RNPEP: variants seen among roughly 807,000 people sequenced by gnomAD.
RNPEP encodes the protein arginyl aminopeptidase.
Under a neutral mutation model 70.1 loss-of-function variants are expected in RNPEP, and 57 were observed. The ratio of observed to expected loss-of-function variants is 0.81; its 90% CI spans 0.66 to 1.01. The LOEUF (loss-of-function observed/expected upper bound fraction) is 1.01. Ranked by LOEUF, RNPEP falls within the 50% of genes least tolerant of loss-of-function variation. The pLI, the probability that RNPEP is intolerant of heterozygous loss-of-function variation, is 0.00. For synonymous variants in RNPEP, 335 were observed against 357.4 expected (o/e 0.94, Z 0.71); for missense variants, 787 against 852.4 (o/e 0.92, Z 0.96).
intron 7 of RNPEP, 33 bp from the exon 8 acceptor site, chr1:202,001,626 A>G (rs781600186): frequency 7.1e-6 from 11 of 1,540,250 alleles, no homozygotes; most frequent in South Asian, 2.2e-5. Context: ...CCACGGGGCC[A>G]GAGAGGGTCT....
intron 1 of RNPEP, among the ~76,000 whole-genome samples, chr1:201,987,252 T>C (rs1401792211): frequency 1.3e-5 from 2 of 152,030 alleles, no homozygotes; most frequent in African/African-American, 4.8e-5. Context: ...TCTTTGAAGG[T>C]CCAGCCAGAA....
At position 201,994,094 on chromosome 1, in the gene RNPEP, G is replaced by T. The variant is rs538341442; in HGVS notation, c.738-2053G>T. Among the ~76,000 whole-genome samples the T allele has an allele frequency of 2.6e-5, 4 of 152,162 alleles. No homozygotes were observed. In the South Asian group the frequency reaches 8.3e-4, roughly 32 times the overall value. On this transcript the variant is annotated intron_variant, in intron 3 of 10. Transcript: ENST00000295640. ...CCATTGACCCTCCTCTGGCTTCTGT[G>T]ACACCACCCATGCTGGTCATCAGGC...
At chr1:201,997,263 G>A in intron 4 of RNPEP, 56 bp from the exon 5 acceptor site, 1 of 1,351,426 alleles carries the variant, frequency 7.4e-7, no homozygotes, top group South Asian at 1.2e-5. Flanking sequence ...GGGAGGCGAG[G>A]TAGGGTCTGC....
chr1:201,997,593 A>G (rs778753034), intron 5 of RNPEP, 39 bp downstream of exon 5: 2 of 1,518,530 alleles, frequency 1.3e-6, no homozygotes, highest in East Asian at 2.3e-5. Context: ...TCTGCCTCCC[A>G]TTCTTAACCT....
In RNPEP at chr1:201,997,307, G is replaced by T. The variant is rs551251408; in HGVS notation, c.855-12G>T. 2 of 1,611,234 alleles carry T rather than the reference G, an allele frequency of 1.2e-6. No homozygotes were observed. The highest frequency in any genetic ancestry group is 4.5e-5 in the East Asian group (2 of 44,852). ...GCCAGGGCCTCTTGGTGACCTCCCC[G>T]CTTCTCGGCAGGTATGACTTGCTCT... On this transcript the variant is annotated splice_polypyrimidine_tract_variant and intron_variant, in intron 4 of 10. Coordinates refer to ENST00000295640, the MANE Select transcript of RNPEP (RefSeq NM_020216.4).
chr1:201,989,315 C>T lies in RNPEP; in HGVS notation c.589-68C>T. 5 of 1,564,780 alleles carry T rather than the reference C, an allele frequency of 3.2e-6. No homozygotes were observed. In the Middle Eastern group the frequency reaches 5.2e-4, roughly 162 times the overall value. On this transcript the variant is annotated intron_variant, in intron 2 of 10. Coordinates refer to ENST00000295640, the MANE Select transcript of RNPEP (RefSeq NM_020216.4). Reference sequence around the variant, plus strand: ...CATCACACACAGGTGGCCGGTCATGCTCTTATTCAAACTAATCAAAAGGAA... The same window carrying T: ...CATCACACACAGGTGGCCGGTCATGTTCTTATTCAAACTAATCAAAAGGAA...
At chr1:201,989,086 GAA>G in intron 2 of RNPEP, 42 bp downstream of exon 2, 1 of 1,584,750 alleles carries the variant, frequency 6.3e-7, no homozygotes, top group South Asian at 1.1e-5. Context: ...TTGGGATGAA[GAA>G]ATGATTTCAG....
At chr1:201,989,302 G>A in intron 2 of RNPEP, 81 bp from the exon 3 acceptor site, 1 of 1,503,744 alleles carries the variant, frequency 6.7e-7, no homozygotes, top group South Asian at 1.3e-5. Context: ...TCACACACAG[G>A]TGGCCGGTCA....
intron 10 of RNPEP, among the ~76,000 whole-genome samples, chr1:202,004,972 A>T (rs1405120755): frequency 6.6e-6 from 1 of 152,186 alleles, no homozygotes; most frequent in East Asian, 1.9e-4. Flanking sequence ...ACTGAATGTC[A>T]TCAGATTCCG....
At position 201,982,810 on chromosome 1, in the gene RNPEP, G is replaced by T. The variant is rs551069077; in HGVS notation, c.144G>T (p.Gly48=). The T allele has an allele frequency of 1.3e-5, 17 of 1,334,122 alleles. No individual in the cohort carries two copies. In the Admixed American group the frequency reaches 7.1e-4, roughly 56 times the overall value. 82.6% of individuals were successfully genotyped at this position (1,334,122 alleles called of 1,614,324 possible). ...ACCTGGACCTGCGGGCTGAGTTCGG[G>T]CCTCCAGGGCCCGGCGCAGGGAGCC... The part of the protein sequence containing the change: ...HLHLDLRAEF[G]PPGPGAGSRG... Residue 48 remains glycine (G), a synonymous_variant, in exon 1 of 11, where the codon GGG becomes GGT. Transcript: ENST00000295640.
In RNPEP at chr1:201,982,944, T is replaced by C; in HGVS notation, c.278T>C (p.Leu93Pro). The change falls in exon 1 of 11, where the codon CTG becomes CCG. Residue 93 changes from leucine (L) to proline (P), a missense_variant. Leu to Pro is a moderately conservative substitution (Grantham distance 98). Transcript: ENST00000295640. ...HPCLEVTAAA[L>P]RRERPGSEEP... Reference sequence around the variant, plus strand: ...TGCCTGGAGGTGACGGCGGCGGCGCTGCGGCGGGAGCGGCCCGGCTCGGAG... The same window carrying C: ...TGCCTGGAGGTGACGGCGGCGGCGCCGCGGCGGGAGCGGCCCGGCTCGGAG... 1 of 1,484,456 alleles carries C rather than the reference T, an allele frequency of 6.7e-7. No homozygotes were observed. The highest frequency in any genetic ancestry group is 2.9e-5 in the East Asian group (1 of 33,944). 92.0% of individuals were successfully genotyped at this position (1,484,456 alleles called of 1,614,324 possible). A position where few individuals can be genotyped will look rare whatever the true frequency, so the allele number is the denominator to read the frequency against.
intron 1 of RNPEP, among the ~76,000 whole-genome samples, chr1:201,985,191 TAA>T (rs57050499): frequency 0.56 from 79,559 of 141,958 alleles, 21,903 homozygotes; most frequent in Non-Finnish European, 0.61. Context: ...AGGCTCCATC[TAA>T]AAAAAAAAAA....
Position 202,004,454 on chromosome 1 carries a change from C to T in RNPEP, c.1752C>T (p.His584=), listed in dbSNP as rs911637231. The change falls in exon 10 of 11, where the codon CAC becomes CAT. Residue 584 remains histidine, a synonymous_variant. Transcript: ENST00000295640. ...RWGQIVLKND[H]QEDFWKVKEF... Reference sequence around the variant, plus strand: ...GCCAAATCGTCCTTAAGAACGACCACCAGGAAGATTTCTGGAAAGTGAAGG... The same window carrying T: ...GCCAAATCGTCCTTAAGAACGACCATCAGGAAGATTTCTGGAAAGTGAAGG... 16 of 1,614,138 alleles carry T rather than the reference C, an allele frequency of 9.9e-6. No homozygotes were observed. The highest frequency in any genetic ancestry group is 1.4e-5 in the Non-Finnish European group (16 of 1,180,038).
At chr1:202,003,600 T>G (rs1246690781) in intron 9 of RNPEP, 139 bp downstream of exon 9, 1 of 646,016 alleles carries the variant, frequency 1.5e-6, no homozygotes, top group Non-Finnish European at 2.7e-6. Flanking sequence ...CCACAAGGAA[T>G]GTGCCACCGG....
intron 1 of RNPEP, 114 bp from the exon 2 acceptor site, chr1:201,988,790 C>T (rs914610458): frequency 1.9e-5 from 24 of 1,289,800 alleles, no homozygotes; most frequent in Middle Eastern, 2.8e-4. Flanking sequence ...GACTGGCTGG[C>T]GGAAAGGTTT....
In RNPEP at chr1:201,999,999, C is replaced by G. The variant is rs1342022744; in HGVS notation, c.1188C>G (p.Arg396=). The G allele has an allele frequency of 2.5e-6, 4 of 1,613,328 alleles. No homozygotes were observed. Among genetic ancestry groups the G allele is most frequent in the Non-Finnish European group, 3.4e-6 (4 of 1,179,580 alleles). The part of the protein sequence containing the change: ...TGEENPLNKL[R]VKIEPGVDPD... ...AGGAAAACCCACTCAACAAGCTCCGCGTGAAGATTGAACCAGGTCCAGGAG... is the reference window on the plus strand; with the variant it reads ...AGGAAAACCCACTCAACAAGCTCCGGGTGAAGATTGAACCAGGTCCAGGAG... The change falls in exon 6 of 11, where the codon CGC becomes CGG. Residue 396 remains arginine (R), a synonymous_variant. Transcript: ENST00000295640.
chr1:202,001,364 C>T lies in RNPEP; in HGVS notation c.1205-12C>T. ...CAAAAGCTCAAATCTTGTCTGCTTT[C>T]TCCTCTGCCAGGCGTTGACCCGGAC... On this transcript the variant is annotated splice_polypyrimidine_tract_variant and intron_variant, in intron 6 of 10. Coordinates refer to ENST00000295640, the MANE Select transcript of RNPEP (RefSeq NM_020216.4). 1 of 1,593,128 alleles carries T rather than the reference C, an allele frequency of 6.3e-7. No individual in the cohort carries two copies. Among genetic ancestry groups the T allele is most frequent in the Non-Finnish European group, 8.6e-7 (1 of 1,161,022 alleles).
chr1:202,004,437 G>T lies in RNPEP; in HGVS notation c.1735G>T (p.Val579Phe), dbSNP rs3820439. 6.2e-7 allele frequency: 1 copy of T among 1,613,886 alleles called. No individual in the cohort carries two copies. Among genetic ancestry groups the T allele is most frequent in the East Asian group, 2.2e-5 (1 of 44,864 alleles). Residue 579 changes from valine (V) to phenylalanine (F), a missense_variant, in exon 10 of 11, where the codon GTC (valine) becomes TTC (phenylalanine). Physicochemically the swap from Val to Phe is conservative, Grantham distance 50 (BLOSUM62 -1). Transcript: ENST00000295640. ...GCTCCGGCTGCGATGGGGCCAAATC[G>T]TCCTTAAGAACGACCACCAGGAAGA... ...AELRLRWGQIVLKNDHQEDFW... is the reference protein window; with the variant it reads ...AELRLRWGQIFLKNDHQEDFW...
intron 2 of RNPEP, 144 bp downstream of exon 2, chr1:201,989,188 C>T (rs1558260633): frequency 1.6e-6 from 2 of 1,258,616 alleles, no homozygotes; most frequent in South Asian, 1.5e-5. Context: ...ATTCTTCCAC[C>T]TACTGAAGTT....
Sources: gnomAD v4.1 joint callset for allele counts (sites outside exome capture counted in the v4.1 genomes callset) on GRCh38, gnomAD v4.1.1 for gene constraint, MANE v1.5 for transcripts, NCBI Gene and HGNC (gene_info 2026-07-23, HGNC 2026-07-21) for gene names.